The following NLGN4X variants were observed in gnomAD, a reference collection of about 807,000 sequenced individuals.
NLGN4X encodes the protein neuroligin 4 X-linked, also known as neuroligin-4, X-linked.
In NLGN4X, 3 loss-of-function variants were observed where a neutral mutation model predicts 40.3. The ratio of observed to expected loss-of-function variants is 0.07; its 90% confidence interval spans 0.03 to 0.19. The LOEUF (loss-of-function observed/expected upper bound fraction) is 0.19, where lower values mean the gene tolerates loss of function less well. NLGN4X is among the 10% of genes least tolerant of loss of function. The pLI is 1.00. For synonymous variants in NLGN4X, 270 were observed against 306.8 expected (o/e 0.88, Z 1.25); for missense variants, 382 against 708.3 (o/e 0.54, Z 5.23).
In NLGN4X at chrX:6,228,342, G is replaced by A. The variant is rs145476267; in HGVS notation, c.-306+199C>T. Among the ~76,000 whole-genome samples, 353 of 111,752 alleles carry A rather than the reference G, an allele frequency of 3.2e-3. 3 individuals carry two copies. Among genetic ancestry groups the A allele is most frequent in the African/African-American group, 0.011 (336 of 30,734 alleles). On this transcript the variant is annotated intron_variant, in intron 1 of 5. Coordinates refer to ENST00000381095, the MANE Select transcript of NLGN4X (RefSeq NM_181332.3). ...CCCACCCACACCTAAGAAATGCAGCGAGACAGATGGGAGAAAGTCCTGTCC... is the reference window on the plus strand; with the variant it reads ...CCCACCCACACCTAAGAAATGCAGCAAGACAGATGGGAGAAAGTCCTGTCC...
Position 6,042,685 on chromosome X carries a change from TTATATATATATATATATA to T in NLGN4X, c.473-13271_473-13254del, listed in dbSNP as rs749649054. On this transcript the variant is annotated intron_variant, in intron 2 of 5. Coordinates refer to ENST00000381095, the MANE Select transcript of NLGN4X (RefSeq NM_181332.3). ...AAAACCTAACATACCCATAGAGGTT[TTATATATATATATATATA>T]TATATATATATATATATATATATAT... Among the ~76,000 whole-genome samples, 205 of 28,420 alleles carry T rather than the reference TTATATATATATATATATA, an allele frequency of 7.2e-3. 2 individuals are homozygous for T. In the East Asian group the frequency reaches 0.13, roughly 17 times the overall value. The allele number at this position is 28,420 out of a possible 115,157, so 24.7% of individuals were successfully genotyped here.
chrX:6,106,812 C>T (rs2039042360), intron 2 of NLGN4X, among the ~76,000 whole-genome samples: 1 of 111,714 alleles, frequency 9.0e-6, no homozygotes, highest in Admixed American at 9.6e-5. Flanking sequence ...CCCAGAGGGT[C>T]TCTTAATCTT....
intron 1 of NLGN4X, among the ~76,000 whole-genome samples, chrX:6,170,521 C>G (rs889422304): frequency 3.1e-4 from 35 of 111,583 alleles, no homozygotes; most frequent in Non-Finnish European, 5.6e-4. Context: ...TCAATCTTGG[C>G]CTTATCATTT....
chrX:6,200,407 C>A (rs1923480618), intron 1 of NLGN4X, among the ~76,000 whole-genome samples: 1 of 111,423 alleles, frequency 9.0e-6, no homozygotes, highest in South Asian at 3.8e-4. Context: ...ATCACAAAAC[C>A]AAAAGAGGAC....
At chrX:5,995,205 A>G (rs761718121) in intron 3 of NLGN4X, among the ~76,000 whole-genome samples, 6 of 112,296 alleles carry the variant, frequency 5.3e-5, no homozygotes, top group Middle Eastern at 4.7e-3. Flanking sequence ...TTTAAGAGAA[A>G]GGAGTTTCCC....
intron 2 of NLGN4X, among the ~76,000 whole-genome samples, chrX:6,106,242 C>G (rs765018661): frequency 3.9e-4 from 44 of 111,442 alleles, no homozygotes; most frequent in Non-Finnish European, 7.3e-4. Flanking sequence ...TTTTGACTTT[C>G]AAATTGTAGA....
At chrX:5,897,171 C>A (rs1330817040) in intron 5 of NLGN4X, among the ~76,000 whole-genome samples, 1 of 111,746 alleles carries the variant, frequency 8.9e-6, no homozygotes, top group Non-Finnish European at 1.9e-5. Flanking sequence ...TCCAATAGCA[C>A]ATAAGGTCTT....
intron 3 of NLGN4X, among the ~76,000 whole-genome samples, chrX:6,006,720 T>C (rs956153663): frequency 6.3e-5 from 7 of 111,755 alleles, no homozygotes; most frequent in African/African-American, 2.3e-4. Flanking sequence ...TTTTCCCTTC[T>C]CTGTTAAAAG....
chrX:6,186,060 T>G (rs1331239294), intron 1 of NLGN4X, among the ~76,000 whole-genome samples: 1 of 112,713 alleles, frequency 8.9e-6, no homozygotes, highest in Non-Finnish European at 1.9e-5. Context: ...ATATGCTCTG[T>G]TGTTAATGCT....
In NLGN4X at chrX:6,008,698, A is replaced by C. The variant is rs150808605; in HGVS notation, c.625+20582T>G. On this transcript the variant is annotated intron_variant, in intron 3 of 5. Transcript: ENST00000381095. ...TTTTACTGTGATATAGAGAATATGA[A>C]ATTGATCATTTAAACTATTTTTTGG... Among the ~76,000 whole-genome samples, 723 of 111,962 alleles carry C rather than the reference A, an allele frequency of 6.5e-3. 2 individuals are homozygous for C. The highest frequency in any genetic ancestry group is 0.022 in the African/African-American group (678 of 30,840).
At chrX:6,063,095 C>T (rs779471380) in intron 2 of NLGN4X, among the ~76,000 whole-genome samples, 1 of 111,472 alleles carries the variant, frequency 9.0e-6, no homozygotes, top group Non-Finnish European at 1.9e-5. Flanking sequence ...GACCACCCTA[C>T]TTAAAATACT....
At chrX:6,112,339 G>T (rs1382634144) in intron 2 of NLGN4X, among the ~76,000 whole-genome samples, 3 of 110,522 alleles carry the variant, frequency 2.7e-5, no homozygotes, top group African/African-American at 9.9e-5. Flanking sequence ...TATCCCTCAG[G>T]AATTTGAAAA....
chrX:6,075,654 G>A lies in NLGN4X; in HGVS notation c.473-46222C>T, dbSNP rs149210497. ...GCAGTAATGACTGAATTCTTGCTCT[G>A]TTCATTCCCCCAAGAGCTGACTGTT... On this transcript the variant is annotated intron_variant, in intron 2 of 5. Coordinates refer to ENST00000381095, the MANE Select transcript of NLGN4X (RefSeq NM_181332.3). 7.1e-3 allele frequency among the ~76,000 whole-genome samples: 783 copies of A among 110,812 alleles called. 5 individuals are homozygous for A. The highest frequency in any genetic ancestry group is 0.024 in the African/African-American group (716 of 30,450).
intron 5 of NLGN4X, among the ~76,000 whole-genome samples, chrX:5,902,315 G>A (rs772258553): frequency 8.1e-5 from 9 of 110,961 alleles, no homozygotes; most frequent in African/African-American, 2.9e-4. Context: ...CTTGAGCCCA[G>A]GAGTTTGAGA....
At chrX:6,212,261 G>T (rs1474892569) in intron 1 of NLGN4X, among the ~76,000 whole-genome samples, 1 of 106,942 alleles carries the variant, frequency 9.4e-6, no homozygotes, top group East Asian at 2.9e-4. Context: ...AAAAAAAAGA[G>T]TCCTTGAAAT....
intron 2 of NLGN4X, among the ~76,000 whole-genome samples, chrX:6,150,023 C>A (rs757649769): frequency 3.6e-5 from 4 of 109,915 alleles, no homozygotes; most frequent in Non-Finnish European, 5.7e-5. Context: ...ACACTTTCCA[C>A]GAAGAACTTT....
chrX:6,020,021 C>A (rs1203758729), intron 3 of NLGN4X, among the ~76,000 whole-genome samples: 3 of 111,923 alleles, frequency 2.7e-5, no homozygotes, highest in Non-Finnish European at 5.6e-5. Flanking sequence ...ATTTCAGCTT[C>A]TTTAAAGAAA....
At chrX:5,929,663 G>A (rs187201252) in intron 3 of NLGN4X, among the ~76,000 whole-genome samples, 166 of 112,143 alleles carry the variant, frequency 1.5e-3, no homozygotes, top group African/African-American at 4.8e-3. Context: ...CTAGAATATT[G>A]TTGAATAATA....
At chrX:6,193,997 G>A (rs1440220661) in intron 1 of NLGN4X, among the ~76,000 whole-genome samples, 2 of 111,957 alleles carry the variant, frequency 1.8e-5, no homozygotes, top group Non-Finnish European at 3.8e-5. Flanking sequence ...GAACAACACT[G>A]CCATTGACTC....
Sources: allele counts gnomAD v4.1 joint callset (sites outside exome capture counted in the v4.1 genomes callset), GRCh38; gene constraint gnomAD v4.1.1; transcripts MANE v1.5; gene names NCBI Gene and HGNC (gene_info 2026-07-23, HGNC 2026-07-21).